Variants in MGAT4C observed in about 807,000 individuals in gnomAD.
MGAT4C encodes the protein alpha-1,3-mannosyl-glycoprotein 4-beta-N-acetylglucosaminyltransferase C.
In MGAT4C, 19 loss-of-function variants were observed where a neutral mutation model predicts 40.1. That is an observed-to-expected ratio of 0.47 (90% confidence interval 0.33 to 0.70). The LOEUF (loss-of-function observed/expected upper bound fraction) is 0.70. Ranked by LOEUF, MGAT4C falls within the 30% of genes least tolerant of loss-of-function variation. The pLI is 0.02. For synonymous variants in MGAT4C, 181 were observed against 187.1 expected, an observed-to-expected ratio of 0.97 and a Z score of 0.27; for missense variants, 491 against 563.2, an observed-to-expected ratio of 0.87 and a Z score of 1.30.
chr12:86,570,925 T>C (rs1047822424), intron 2 of MGAT4C, among the ~76,000 whole-genome samples: 1 of 152,098 alleles, frequency 6.6e-6, no homozygotes, highest in Non-Finnish European at 1.5e-5. Flanking sequence ...GCGATTCTCA[T>C]GCCTCAAACT....
chr12:86,405,929 TAC>T (rs201339842), intron 3 of MGAT4C, among the ~76,000 whole-genome samples: 12 of 8,896 alleles, frequency 1.3e-3, no homozygotes, highest in African/African-American at 2.3e-3. Context: ...ATTTATATTA[TAC>T]ATACATTTAT....
intron 2 of MGAT4C, among the ~76,000 whole-genome samples, chr12:86,630,721 C>G (rs1357067964): frequency 6.6e-6 from 1 of 152,162 alleles, no homozygotes; most frequent in East Asian, 1.9e-4. Flanking sequence ...GCTAAAAACT[C>G]TCAATAAACT....
chr12:86,390,558 C>T (rs1956144635), intron 3 of MGAT4C, among the ~76,000 whole-genome samples: 1 of 152,066 alleles, frequency 6.6e-6, no homozygotes, highest in East Asian at 1.9e-4. Flanking sequence ...TTGCAAAAGA[C>T]AATACATTTG....
intron 2 of MGAT4C, among the ~76,000 whole-genome samples, chr12:86,603,779 CTATATAATATATAGTAT>C (rs1961933177): frequency 2.1e-5 from 1 of 46,578 alleles, no homozygotes; most frequent in Admixed American, 4.3e-4. Context: ...ATTATATATA[CTATATAATATATAGTAT>C]ATATATTATA....
At chr12:86,612,766 A>G (rs1381964357) in intron 2 of MGAT4C, among the ~76,000 whole-genome samples, 1 of 150,462 alleles carries the variant, frequency 6.6e-6, no homozygotes, top group African/African-American at 2.4e-5. Flanking sequence ...AAAAAAGTAG[A>G]TGTTACATAC....
intron 2 of MGAT4C, among the ~76,000 whole-genome samples, chr12:86,497,758 A>G (rs1958263744): frequency 6.7e-6 from 1 of 149,960 alleles, no homozygotes; most frequent in Non-Finnish European, 1.5e-5. Context: ...GTGCCCCATT[A>G]TTTCCAATTA....
intron 1 of MGAT4C, among the ~76,000 whole-genome samples, chr12:86,197,952 C>T (rs1273445271): frequency 6.6e-6 from 1 of 151,742 alleles, no homozygotes; most frequent in Non-Finnish European, 1.5e-5. Flanking sequence ...TTATACTTGA[C>T]CAGAAATTAA....
intron 3 of MGAT4C, among the ~76,000 whole-genome samples, chr12:86,360,360 C>T (rs1163070170): frequency 1.3e-5 from 2 of 152,168 alleles, no homozygotes; most frequent in African/African-American, 4.8e-5. Context: ...CTATTTATGA[C>T]AAACCCACAG....
At chr12:86,353,463 G>A (rs1231565998) in intron 3 of MGAT4C, among the ~76,000 whole-genome samples, 1 of 152,156 alleles carries the variant, frequency 6.6e-6, no homozygotes, top group Non-Finnish European at 1.5e-5. Context: ...TCCAATAAAT[G>A]TGCAGCAGAC....
chr12:86,076,786 C>T (rs1393541260), intron 1 of MGAT4C, among the ~76,000 whole-genome samples: 10 of 152,084 alleles, frequency 6.6e-5, no homozygotes, highest in Admixed American at 3.9e-4. Context: ...AACCACAACA[C>T]GTGGGAATTC....
At chr12:86,486,972 AT>A (rs1958030440) in intron 2 of MGAT4C, among the ~76,000 whole-genome samples, 1 of 152,206 alleles carries the variant, frequency 6.6e-6, no homozygotes, top group Non-Finnish European at 1.5e-5. Context: ...TAAAATGGAT[AT>A]ACCAATCAGG....
chr12:86,436,236 A>T (rs567735992), intron 2 of MGAT4C, among the ~76,000 whole-genome samples: 1 of 142,504 alleles, frequency 7.0e-6, no homozygotes, highest in East Asian at 1.9e-4. Flanking sequence ...CAAGTGCAAC[A>T]AAACAATTTT....
chr12:86,380,648 T>C (rs746441382), intron 3 of MGAT4C, among the ~76,000 whole-genome samples: 1 of 152,190 alleles, frequency 6.6e-6, no homozygotes, highest in Non-Finnish European at 1.5e-5. Context: ...AAGCCCTTTG[T>C]GTGTATCATT....
chr12:86,602,965 C>T (rs570728107), intron 2 of MGAT4C, among the ~76,000 whole-genome samples: 1 of 151,516 alleles, frequency 6.6e-6, no homozygotes, highest in South Asian at 2.1e-4. Flanking sequence ...TTTGAGACAA[C>T]ACTGATGAAT....
At chr12:86,257,515 A>G (rs1281028548), upstream of MGAT4C, among the ~76,000 whole-genome samples, 1 of 152,194 alleles carries the variant, frequency 6.6e-6, no homozygotes, top group African/African-American at 2.4e-5. Flanking sequence ...AATTCACTTC[A>G]ACCACCCCAA....
At chr12:86,377,209 G>A (rs1362534589) in intron 3 of MGAT4C, among the ~76,000 whole-genome samples, 5 of 151,784 alleles carry the variant, frequency 3.3e-5, no homozygotes, top group African/African-American at 4.8e-5. Flanking sequence ...ACAGGCATTC[G>A]CCACCACGCC....
chr12:86,360,754 A>C (rs1404230072), intron 3 of MGAT4C, among the ~76,000 whole-genome samples: 1 of 152,214 alleles, frequency 6.6e-6, no homozygotes, highest in Non-Finnish European at 1.5e-5. Context: ...AAAGAGAATA[A>C]AATACCTAGG....
chr12:86,429,545 T>C (rs1216527242), intron 3 of MGAT4C, among the ~76,000 whole-genome samples: 1 of 152,194 alleles, frequency 6.6e-6, no homozygotes, highest in Non-Finnish European at 1.5e-5. Flanking sequence ...ATAAGGTTTT[T>C]ATGGTTGTCA....
intron 2 of MGAT4C, among the ~76,000 whole-genome samples, chr12:86,466,338 C>T (rs1355159502): frequency 6.6e-6 from 1 of 152,164 alleles, no homozygotes; most frequent in East Asian, 1.9e-4. Flanking sequence ...TACATCCAGT[C>T]AATGGAATAT....
Sources: allele counts gnomAD v4.1 joint callset (sites outside exome capture counted in the v4.1 genomes callset), GRCh38; gene constraint gnomAD v4.1.1; transcripts MANE v1.5; gene names NCBI Gene and HGNC (gene_info 2026-07-23, HGNC 2026-07-21).